NELL1: variants seen among roughly 807,000 people sequenced by gnomAD.
NELL1 encodes the protein neural EGFL like 1, also known as protein kinase C-binding protein NELL1.
NELL1 carries 76 observed loss-of-function variants against 107.4 expected under a neutral mutation model. The observed-to-expected ratio is 0.71, with a 90% CI of 0.59 to 0.86. The LOEUF is 0.86. Ranked by LOEUF, NELL1 falls within the 40% of genes least tolerant of loss-of-function variation. The pLI, the probability that NELL1 is intolerant of heterozygous loss-of-function variation, is 0.00. For missense variants in NELL1, 1,024 were observed against 1,005.5 expected (o/e 1.02, Z -0.25); for synonymous variants, 353 against 341.2 (o/e 1.03, Z -0.38).
rs74857665 is a variant in NELL1 at position 20,882,469 on chromosome 11, C to A, written c.507-2975C>A. Reference sequence around the variant, plus strand: ...TCACAGAAAACTTATAGGAGTGATACAAGGAACAATCATATTTGCCCAGAT... The same window carrying A: ...TCACAGAAAACTTATAGGAGTGATAAAAGGAACAATCATATTTGCCCAGAT... On this transcript the variant is annotated intron_variant, in intron 4 of 19. Transcript: ENST00000357134. 3.6e-3 allele frequency among the ~76,000 whole-genome samples: 550 copies of A among 152,220 alleles called. 5 individuals carry two copies. Among genetic ancestry groups the A allele is most frequent in the African/African-American group, 0.013 (529 of 41,510 alleles).
chr11:20,785,696 C>T (rs1225754078), intron 3 of NELL1, among the ~76,000 whole-genome samples: 2 of 152,174 alleles, frequency 1.3e-5, no homozygotes, highest in Non-Finnish European at 2.9e-5. Flanking sequence ...CTTTGTGACA[C>T]CAGCTCTTCA....
chr11:20,959,083 C>A (rs1851237128), intron 11 of NELL1, among the ~76,000 whole-genome samples: 1 of 152,104 alleles, frequency 6.6e-6, no homozygotes, highest in Non-Finnish European at 1.5e-5. Context: ...TATTCTAAAT[C>A]CTTTGTTGAA....
chr11:20,873,131 CA>C (rs1371397986), intron 4 of NELL1, among the ~76,000 whole-genome samples: 21 of 152,120 alleles, frequency 1.4e-4, no homozygotes, highest in African/African-American at 5.1e-4. Context: ...CATTTGTGAG[CA>C]TCAGCAAGTG....
chr11:20,882,647 C>A (rs1417952600), intron 4 of NELL1, among the ~76,000 whole-genome samples: 3 of 152,140 alleles, frequency 2.0e-5, no homozygotes, highest in Non-Finnish European at 4.4e-5. Flanking sequence ...TTCCTAAGAA[C>A]AAGACTTTCA....
At chr11:21,568,907 A>G (rs1857033713) in intron 17 of NELL1, among the ~76,000 whole-genome samples, 2 of 151,630 alleles carry the variant, frequency 1.3e-5, no homozygotes, top group Admixed American at 1.3e-4. Context: ...ACATTCTAAA[A>G]TAATGATTAA....
In NELL1 at chr11:21,178,882, A is replaced by G. The variant is rs1377378766; in HGVS notation, c.1427-50450A>G. Among the ~76,000 whole-genome samples, 7 of 151,842 alleles carry G rather than the reference A, an allele frequency of 4.6e-5. No homozygotes were observed. In the East Asian group the frequency reaches 1.3e-3, roughly 29 times the overall value. Reference sequence around the variant, plus strand: ...TGGAGGTTTTTATGATTAGACAAAAACTGGAAGGTAACCCATGTGGTTCTC... The same window carrying G: ...TGGAGGTTTTTATGATTAGACAAAAGCTGGAAGGTAACCCATGTGGTTCTC... On this transcript the variant is annotated intron_variant, in intron 13 of 19. Coordinates refer to ENST00000357134, the MANE Select transcript of NELL1 (RefSeq NM_006157.5).
chr11:21,420,822 C>T (rs1046991164), intron 15 of NELL1, among the ~76,000 whole-genome samples: 1 of 152,110 alleles, frequency 6.6e-6, no homozygotes, highest in Non-Finnish European at 1.5e-5. Flanking sequence ...ATGGCAGTAT[C>T]CCATTCCACT....
chr11:20,681,649 A>G (rs1327626606), intron 2 of NELL1, among the ~76,000 whole-genome samples: 1 of 152,094 alleles, frequency 6.6e-6, no homozygotes, highest in Non-Finnish European at 1.5e-5. Flanking sequence ...TACTGGTGCT[A>G]TAACAAATTT....
chr11:20,704,947 A>G (rs1276700374), intron 2 of NELL1, among the ~76,000 whole-genome samples: 1 of 152,198 alleles, frequency 6.6e-6, no homozygotes, highest in African/African-American at 2.4e-5. Flanking sequence ...TAGGAATCCA[A>G]TTTACAAGGG....
intron 13 of NELL1, among the ~76,000 whole-genome samples, chr11:21,133,865 C>T (rs574977380): frequency 6.6e-6 from 1 of 152,278 alleles, no homozygotes; most frequent in African/African-American, 2.4e-5. Context: ...GCAGCTGCAC[C>T]TGGAGGGTGG....
At chr11:21,476,735 G>A (rs185055685) in intron 15 of NELL1, among the ~76,000 whole-genome samples, 60 of 152,182 alleles carry the variant, frequency 3.9e-4, no homozygotes, top group African/African-American at 1.1e-3. Context: ...AATGCCACCC[G>A]TCCCTCATCC....
chr11:20,744,958 T>G (rs1260784214), intron 2 of NELL1, among the ~76,000 whole-genome samples: 1 of 152,224 alleles, frequency 6.6e-6, no homozygotes, highest in African/African-American at 2.4e-5. Flanking sequence ...GTTTATGACT[T>G]ATGTGTTACC....
intron 3 of NELL1, among the ~76,000 whole-genome samples, chr11:20,837,916 C>T (rs1848562124): frequency 6.6e-6 from 1 of 151,936 alleles, no homozygotes; most frequent in Non-Finnish European, 1.5e-5. Flanking sequence ...AATATTCCAT[C>T]CTCAAGGAGG....
intron 2 of NELL1, among the ~76,000 whole-genome samples, chr11:20,697,516 A>G (rs1404989814): frequency 6.6e-6 from 1 of 152,088 alleles, no homozygotes; most frequent in Non-Finnish European, 1.5e-5. Flanking sequence ...ACAAGATAGA[A>G]CAAAGGCTAA....
intron 1 of NELL1, among the ~76,000 whole-genome samples, chr11:20,674,742 G>T (rs558903556): frequency 6.6e-6 from 1 of 152,258 alleles, no homozygotes; most frequent in Admixed American, 6.5e-5. Flanking sequence ...GTTCTCATTT[G>T]GGGGTGGGGA....
chr11:20,961,933 T>A (rs559358789), intron 12 of NELL1, among the ~76,000 whole-genome samples: 2 of 152,302 alleles, frequency 1.3e-5, no homozygotes, highest in East Asian at 1.9e-4. Context: ...ATCTTATTAC[T>A]ACTAGAGACC....
intron 15 of NELL1, among the ~76,000 whole-genome samples, chr11:21,389,170 T>G (rs555166310): frequency 1.3e-5 from 2 of 151,896 alleles, no homozygotes; most frequent in Admixed American, 6.6e-5. Context: ...GATTATAGGA[T>G]CTATGCCCTT....
At chr11:20,943,410 C>G (rs532661715) in intron 10 of NELL1, among the ~76,000 whole-genome samples, 233 of 152,028 alleles carry the variant, frequency 1.5e-3, no homozygotes, top group African/African-American at 5.4e-3. Flanking sequence ...TGGTAAAACC[C>G]TGTCTCTACT....
At chr11:21,156,171 T>C (rs1386368273) in intron 13 of NELL1, among the ~76,000 whole-genome samples, 1 of 151,706 alleles carries the variant, frequency 6.6e-6, no homozygotes, top group Admixed American at 6.6e-5. Flanking sequence ...TTAAAGAGAG[T>C]GAACATGTGA....
Sources: allele counts gnomAD v4.1 joint callset (sites outside exome capture counted in the v4.1 genomes callset), GRCh38; gene constraint gnomAD v4.1.1; transcripts MANE v1.5; gene names NCBI Gene and HGNC (gene_info 2026-07-23, HGNC 2026-07-21).